TECR: variants seen among roughly 807,000 people sequenced by gnomAD.
TECR encodes the protein very-long-chain enoyl-CoA reductase.
Under a neutral mutation model 50.6 loss-of-function variants are expected in TECR, and 19 were observed. The ratio of observed to expected loss-of-function variants is 0.38; its 90% CI spans 0.26 to 0.55. The LOEUF (loss-of-function observed/expected upper bound fraction) is 0.55, where lower values mean the gene tolerates loss of function less well. TECR is among the 20% of genes least tolerant of loss of function. The pLI is 0.79. For synonymous variants in TECR, 168 were observed against 163.5 expected, an observed-to-expected ratio of 1.03 and a Z score of -0.21; for missense variants, 313 against 408.3, an observed-to-expected ratio of 0.77 and a Z score of 2.01.
rs376432312 is a variant in TECR at position 14,564,171 on chromosome 19, C to T, written c.384-11C>T. ...GGACCAGCCCCAGCTGAGCCTGCTC[C>T]CCCCGACCAGCCTCGCCTGCATCTG... On this transcript the variant is annotated splice_polypyrimidine_tract_variant and intron_variant, in intron 6 of 12. Coordinates refer to ENST00000215567, the MANE Select transcript of TECR (RefSeq NM_138501.6). 2 of 1,606,632 alleles carry T rather than the reference C, an allele frequency of 1.2e-6. No individual in the cohort carries two copies. Among genetic ancestry groups the T allele is most frequent in the Admixed American group, 3.3e-5 (2 of 59,992 alleles).
chr19:14,554,836 T>C (rs1388477923), intron 1 of TECR, among the ~76,000 whole-genome samples: 2 of 152,044 alleles, frequency 1.3e-5, no homozygotes, highest in Admixed American at 1.3e-4. Flanking sequence ...TGGAGTGCAG[T>C]GGCCTGACCT....
intron 1 of TECR, chr19:14,531,478 A>T (rs1422440309): frequency 1.3e-5 from 2 of 151,872 alleles, no homozygotes; most frequent in Non-Finnish European, 2.9e-5. Flanking sequence ...GCTGGAGTGC[A>T]ATGGCGTGAT....
intron 1 of TECR, chr19:14,532,059 G>C (rs1350947498): frequency 1.3e-5 from 2 of 150,390 alleles, no homozygotes; most frequent in East Asian, 3.9e-4. Flanking sequence ...GAAACATGCA[G>C]TTTGGAACAT....
Position 14,563,922 on chromosome 19 carries a change from C to CT in TECR, c.267+19_267+20insT, listed in dbSNP as rs1231510025. ...GGTGACGGTGAGTCCTGACCCTACC[C>CT]ACGGCCTCTTTTCCCGTCAGCCACG... On this transcript the variant is annotated intron_variant, in intron 5 of 12. Coordinates refer to ENST00000215567, the MANE Select transcript of TECR (RefSeq NM_138501.6). This position sits in a 1 kb window ranked among gnomAD's most constrained non-coding sequence, Gnocchi z 5.3. 5 of 1,613,876 alleles carry CT rather than the reference C, an allele frequency of 3.1e-6. No homozygotes were observed. The highest frequency in any genetic ancestry group is 4.2e-6 in the Non-Finnish European group (5 of 1,179,896).
In TECR at chr19:14,529,634, T is replaced by G; in HGVS notation, c.-63T>G. 6.2e-7 allele frequency: 1 copy of G among 1,613,064 alleles called. No individual in the cohort carries two copies. The highest frequency in any genetic ancestry group is 8.5e-7 in the Non-Finnish European group (1 of 1,179,360). ...GCGGTTGCGAGCGCTGTAGGGAGCC[T>G]GTGCTGTGCCGCGCAGTTAGGCAGC... On this transcript the variant is annotated 5_prime_UTR_variant, in exon 1 of 13. Coordinates refer to ENST00000215567, the MANE Select transcript of TECR (RefSeq NM_138501.6).
chr19:14,545,178 AG>A (rs1269222064), intron 1 of TECR: 1 of 456,764 alleles, frequency 2.2e-6, no homozygotes, highest in Non-Finnish European at 4.4e-6. Flanking sequence ...TCATTGCTCA[AG>A]GGTAAAACCT....
At chr19:14,552,785 C>T (rs2073579557) in intron 1 of TECR, among the ~76,000 whole-genome samples, 1 of 151,788 alleles carries the variant, frequency 6.6e-6, no homozygotes, top group Non-Finnish European at 1.5e-5. Flanking sequence ...ATCCACCCGC[C>T]TCGGCCTCCC....
At chr19:14,556,985 C>T (rs2073749548) in intron 1 of TECR, among the ~76,000 whole-genome samples, 1 of 152,140 alleles carries the variant, frequency 6.6e-6, no homozygotes, top group South Asian at 2.1e-4. Context: ...AGCTCTCTGG[C>T]CCTGGCTTCC....
chr19:14,562,261 C>T (rs867503469), intron 1 of TECR: 92 of 605,782 alleles, frequency 1.5e-4, no homozygotes, highest in Middle Eastern at 4.3e-4. Context: ...TCCAGCACCG[C>T]GGCAGAATTT....
At position 14,563,748 on chromosome 19, in the gene TECR, G is replaced by T; in HGVS notation, c.163+46G>T. 1 of 1,612,774 alleles carries T rather than the reference G, an allele frequency of 6.2e-7. No individual in the cohort carries two copies. The highest frequency in any genetic ancestry group is 8.5e-7 in the Non-Finnish European group (1 of 1,179,806). On this transcript the variant is annotated intron_variant, in intron 4 of 12. Transcript: ENST00000215567. This position sits in a 1 kb window ranked among gnomAD's most constrained non-coding sequence, Gnocchi z 5.3. The stretch of plus-strand genomic sequence containing the variant: ...GGCCCGCCCCCTGGGCTCCTGGGTG[G>T]CAGTGGGAGAAGGCCCGGGTAGCCC...
At chr19:14,539,328 T>C (rs2073018454) in intron 1 of TECR, among the ~76,000 whole-genome samples, 1 of 151,944 alleles carries the variant, frequency 6.6e-6, no homozygotes, top group South Asian at 2.1e-4. Flanking sequence ...GCTCTTTCCT[T>C]CTTCATGGGA....
chr19:14,534,919 C>T (rs913839431), intron 1 of TECR, among the ~76,000 whole-genome samples: 1 of 152,200 alleles, frequency 6.6e-6, no homozygotes, highest in South Asian at 2.1e-4. Context: ...TCTGCTGATG[C>T]TGCCCTAGGA....
chr19:14,558,245 G>A (rs1013436290), intron 1 of TECR, among the ~76,000 whole-genome samples: 2 of 152,146 alleles, frequency 1.3e-5, no homozygotes, highest in African/African-American at 4.8e-5. Flanking sequence ...CCAGGCGGGC[G>A]GGTTCCCAGG....
At chr19:14,556,740 C>T (rs1052003703) in intron 1 of TECR, among the ~76,000 whole-genome samples, 26 of 152,184 alleles carry the variant, frequency 1.7e-4, no homozygotes, top group African/African-American at 5.3e-4. Context: ...GAGCTGTCTC[C>T]GTCCCTGACA....
rs576289631 is a variant in TECR, at chr19:14,548,764, A to G, written c.16-13761A>G. Among the ~76,000 whole-genome samples the G allele has an allele frequency of 1.8e-3, 280 of 152,026 alleles. 3 individuals are homozygous for G. The highest frequency in any genetic ancestry group is 0.014 in the Middle Eastern group (4 of 294). On this transcript the variant is annotated intron_variant, in intron 1 of 12. Transcript: ENST00000215567. ...GGCTAATTTTTGTATTTTGGTAGAG[A>G]CGGGTTCACCATGTTGGCCAGGCTG...
rs2074024519 is a variant in TECR at position 14,564,796 on chromosome 19, A to G, written c.500A>G (p.Tyr167Cys). The G allele has an allele frequency of 1.9e-6, 3 of 1,612,806 alleles. No individual in the cohort carries two copies. The highest frequency in any genetic ancestry group is 2.7e-5 in the African/African-American group (2 of 74,440). The change falls in exon 8 of 13, where the codon TAC becomes TGC. Residue 167 changes from tyrosine to cysteine, a missense_variant. By Grantham distance (194) the Tyr-to-Cys change is radical. Coordinates refer to ENST00000215567, the MANE Select transcript of TECR (RefSeq NM_138501.6). ...CCTGCTCCCTTTCAGAACTGCACCTACTACTGGGGCTTCGCCGCGTGGATG... is the reference window on the plus strand; with the variant it reads ...CCTGCTCCCTTTCAGAACTGCACCTGCTACTGGGGCTTCGCCGCGTGGATG... ...PLRNIFKNCT[Y>C]YWGFAAWMAY...
intron 1 of TECR, among the ~76,000 whole-genome samples, chr19:14,534,823 T>C (rs1017175642): frequency 1.3e-5 from 2 of 152,292 alleles, no homozygotes; most frequent in East Asian, 3.9e-4. Flanking sequence ...AGAGGTAAAC[T>C]AAGCTGGTCA....
At chr19:14,533,581 C>T (rs930095386) in intron 1 of TECR, among the ~76,000 whole-genome samples, 2 of 152,264 alleles carry the variant, frequency 1.3e-5, no homozygotes, top group Non-Finnish European at 1.5e-5. Context: ...GGGTGCAGGA[C>T]GTGCTGACTG....
At chr19:14,552,523 T>G (rs572406887) in intron 1 of TECR, among the ~76,000 whole-genome samples, 1 of 151,240 alleles carries the variant, frequency 6.6e-6, no homozygotes, top group Non-Finnish European at 1.5e-5. Context: ...CATCACAGTC[T>G]TTTTCTTTTC....
Sources: allele counts gnomAD v4.1 joint callset (sites outside exome capture counted in the v4.1 genomes callset), GRCh38; gene constraint gnomAD v4.1.1; non-coding constraint Gnocchi (gnomAD v3.1); transcripts MANE v1.5; gene names NCBI Gene and HGNC (gene_info 2026-07-23, HGNC 2026-07-21).